The following BMPR1B variants were observed in gnomAD, a reference collection of about 807,000 sequenced individuals.
The protein encoded by BMPR1B is bone morphogenetic protein receptor type-1B.
A neutral mutation model predicts 59.1 loss-of-function variants in BMPR1B; 12 were observed. That is an observed-to-expected ratio of 0.20 (90% CI 0.13 to 0.33). The LOEUF is 0.33. Among genes scored for constraint, BMPR1B ranks in the 10% least tolerant of loss-of-function variants. BMPR1B has a pLI of 1.00. For synonymous variants in BMPR1B, 237 were observed against 207.3 expected, an observed-to-expected ratio of 1.14 and a Z score of -1.23; for missense variants, 550 against 610.9, an observed-to-expected ratio of 0.90 and a Z score of 1.05.
At chr4:94,922,323 A>G (rs1486885283) in intron 2 of BMPR1B, among the ~76,000 whole-genome samples, 1 of 151,856 alleles carries the variant, frequency 6.6e-6, no homozygotes, top group East Asian at 1.9e-4. Flanking sequence ...CTCTTGTGGG[A>G]CGTGTGCGTG....
intron 2 of BMPR1B, among the ~76,000 whole-genome samples, chr4:94,895,615 A>G (rs1727554879): frequency 1.3e-5 from 2 of 151,796 alleles, no homozygotes; most frequent in Admixed American, 6.6e-5. Context: ...TGAACTTATG[A>G]CACTTCAAAA....
intron 1 of BMPR1B, among the ~76,000 whole-genome samples, chr4:94,860,823 T>G (rs1258700088): frequency 1.5e-5 from 2 of 132,998 alleles, no homozygotes; most frequent in African/African-American, 7.7e-5. Context: ...TATATGTCTT[T>G]TATATGTTGG....
chr4:95,047,195 C>T (rs1250065273), intron 3 of BMPR1B, among the ~76,000 whole-genome samples: 1 of 152,182 alleles, frequency 6.6e-6, no homozygotes, highest in East Asian at 1.9e-4. Flanking sequence ...AAGAAAGGAA[C>T]AATGGTATAT....
rs1721049225 is a variant in BMPR1B, at chr4:94,981,028, G to T, written c.-112-15012G>T. On this transcript the variant is annotated intron_variant, in intron 2 of 12. Transcript: ENST00000515059. ...ACACACACACACACACACACAAAAAGTAGAAGTTGTCATTTTAACTCATAT... is the reference window on the plus strand; with the variant it reads ...ACACACACACACACACACACAAAAATTAGAAGTTGTCATTTTAACTCATAT... Among the ~76,000 whole-genome samples, 3 of 56,988 alleles carry T rather than the reference G, an allele frequency of 5.3e-5. No individual in the cohort carries two copies. In the Admixed American group the frequency reaches 5.4e-4, roughly 10 times the overall value. 37.4% of individuals were successfully genotyped at this position (56,988 alleles called of 152,430 possible). A position where few individuals can be genotyped will look rare whatever the true frequency, so the allele number is the denominator to read the frequency against.
intron 6 of BMPR1B, among the ~76,000 whole-genome samples, chr4:95,116,421 G>GCGCGCGCGCGCACACACA: frequency 3.5e-4 from 43 of 123,250 alleles, no homozygotes; most frequent in Middle Eastern, 4.4e-3. Context: ...TTCAGCGCGC[G>GCGCGCGCGCGCACACACA]CACACACACA....
chr4:95,099,610 A>G (rs999160033), intron 3 of BMPR1B, among the ~76,000 whole-genome samples: 3 of 151,514 alleles, frequency 2.0e-5, no homozygotes, highest in South Asian at 2.1e-4. Flanking sequence ...GCGCACACGC[A>G]CACACACGCA....
rs1476151496 is a variant in BMPR1B, at chr4:94,908,080, A to G, written c.-113+32180A>G. 6.0e-3 allele frequency among the ~76,000 whole-genome samples: 787 copies of G among 131,818 alleles called. 18 individuals are homozygous for G. The highest frequency in any genetic ancestry group is 0.025 in the African/African-American group (756 of 29,792). 86.5% of individuals were successfully genotyped at this position (131,818 alleles called of 152,430 possible). A position where few individuals can be genotyped will look rare whatever the true frequency, so the allele number is the denominator to read the frequency against. On this transcript the variant is annotated intron_variant, in intron 2 of 12. Transcript: ENST00000515059. ...TGTCTTTAAAAAAAAAAAAAAAAAA[A>G]AAAAAAAAAAGAAAAAACAAAAAAA...
chr4:95,109,113 A>G (rs528300039), intron 4 of BMPR1B, among the ~76,000 whole-genome samples: 24 of 152,060 alleles, frequency 1.6e-4, no homozygotes, highest in Non-Finnish European at 2.8e-4. Flanking sequence ...ACCTTTCTCA[A>G]GTCCCTCCAC....
intron 1 of BMPR1B, among the ~76,000 whole-genome samples, chr4:94,798,871 C>G (rs1723291501): frequency 1.3e-5 from 2 of 151,796 alleles, no homozygotes; most frequent in Admixed American, 1.3e-4. Context: ...GTTCATTAGT[C>G]TTAGTCTTGA....
At chr4:94,981,005 A>ATACGCGCGCG (rs1553923782) in intron 2 of BMPR1B, among the ~76,000 whole-genome samples, 4 of 122,710 alleles carry the variant, frequency 3.3e-5, no homozygotes, top group Admixed American at 7.5e-5. Context: ...ACACACACAC[A>ATACGCGCGCG]CACACACACA....
chr4:94,919,437 T>G (rs1476758691), intron 2 of BMPR1B, among the ~76,000 whole-genome samples: 2 of 152,316 alleles, frequency 1.3e-5, no homozygotes, highest in Non-Finnish European at 2.9e-5. Context: ...AAACCAATAC[T>G]TATCCTTGCT....
At chr4:95,149,057 T>A in intron 11 of BMPR1B, 134 bp downstream of exon 11, 1 of 1,140,722 alleles carries the variant, frequency 8.8e-7, no homozygotes, top group Non-Finnish European at 1.3e-6. Flanking sequence ...GTTGATGCAG[T>A]CATAGTGCTT....
At chr4:94,913,803 G>A (rs1303342949) in intron 2 of BMPR1B, among the ~76,000 whole-genome samples, 2 of 152,140 alleles carry the variant, frequency 1.3e-5, no homozygotes, top group African/African-American at 4.8e-5. Context: ...GGAAATGTGT[G>A]TCTATCTGTA....
intron 1 of BMPR1B, among the ~76,000 whole-genome samples, chr4:94,832,250 G>A (rs1478963343): frequency 6.6e-6 from 1 of 152,140 alleles, no homozygotes; most frequent in Non-Finnish European, 1.5e-5. Flanking sequence ...TAGCCTGGGA[G>A]CAATAGGCTA....
At chr4:95,056,353 C>T (rs965951848) in intron 3 of BMPR1B, among the ~76,000 whole-genome samples, 6 of 151,992 alleles carry the variant, frequency 3.9e-5, no homozygotes, top group African/African-American at 1.2e-4. Context: ...AATATCTTTC[C>T]GGATTAACTG....
intron 2 of BMPR1B, among the ~76,000 whole-genome samples, chr4:94,887,937 A>C (rs1337684987): frequency 6.6e-6 from 1 of 152,126 alleles, no homozygotes; most frequent in Non-Finnish European, 1.5e-5. Flanking sequence ...ATAAACTTGG[A>C]GATTTAGCCT....
chr4:94,804,724 TG>T (rs1723543226), intron 1 of BMPR1B, among the ~76,000 whole-genome samples: 1 of 152,178 alleles, frequency 6.6e-6, no homozygotes, highest in South Asian at 2.1e-4. Flanking sequence ...TCATTTTCTT[TG>T]GGAACTATTT....
intron 2 of BMPR1B, among the ~76,000 whole-genome samples, chr4:94,901,134 C>T (rs1727793754): frequency 6.6e-6 from 1 of 151,914 alleles, no homozygotes; most frequent in African/African-American, 2.4e-5. Context: ...TTCTCTGCTT[C>T]CTGGGTACAT....
chr4:94,784,723 T>C (rs1722702114), intron 1 of BMPR1B, among the ~76,000 whole-genome samples: 1 of 152,166 alleles, frequency 6.6e-6, no homozygotes, highest in Admixed American at 6.5e-5. Flanking sequence ...CCCAGATTCA[T>C]TTGGCTCCCT....
Sources: allele counts gnomAD v4.1 joint callset (sites outside exome capture counted in the v4.1 genomes callset), GRCh38; gene constraint gnomAD v4.1.1; transcripts MANE v1.5; gene names NCBI Gene and HGNC (gene_info 2026-07-23, HGNC 2026-07-21).